PUDP: variants seen among roughly 807,000 people sequenced by gnomAD.
PUDP encodes pseudouridine 5'-phosphatase.
PUDP carries 8 observed loss-of-function variants against 9.4 expected under a neutral mutation model. The ratio of observed to expected loss-of-function variants is 0.85; its 90% CI spans 0.50 to 1.53. The LOEUF (loss-of-function observed/expected upper bound fraction) is 1.53, where lower values mean the gene tolerates loss of function less well. Ranked by LOEUF, PUDP falls within the 40% of genes most tolerant of loss-of-function variation. The pLI, the probability that PUDP is intolerant of heterozygous loss-of-function variation, is 0.00. For synonymous variants in PUDP, 99 were observed against 80.7 expected, an observed-to-expected ratio of 1.23 and a Z score of -1.22; for missense variants, 188 against 189.7, an observed-to-expected ratio of 0.99 and a Z score of 0.05.
intron 3 of PUDP, among the ~76,000 whole-genome samples, chrX:6,948,118 G>C (rs1239572995): frequency 2.7e-5 from 3 of 112,276 alleles, no homozygotes; most frequent in Non-Finnish European, 5.6e-5. Context: ...AGAAGTTTTA[G>C]ATAGAGTGAG....
chrX:6,829,425 T>G (rs1239754438), intron 3 of PUDP, among the ~76,000 whole-genome samples: 1 of 111,889 alleles, frequency 8.9e-6, no homozygotes. Context: ...TATTTATTTT[T>G]AAAAGAGTAT....
chrX:6,706,898 A>G (rs1924477140), intron 1 of PUDP, among the ~76,000 whole-genome samples: 1 of 111,147 alleles, frequency 9.0e-6, no homozygotes, highest in South Asian at 3.9e-4. Context: ...AAAAAGTCCA[A>G]AAACCCTTGT....
intron 2 of PUDP, among the ~76,000 whole-genome samples, chrX:7,081,715 C>T (rs1223630451): frequency 1.8e-5 from 2 of 113,100 alleles, no homozygotes; most frequent in African/African-American, 3.2e-5. Context: ...ACGGGACATC[C>T]GTCAATTATA....
At chrX:7,085,587 G>T (rs1931238885) in intron 2 of PUDP, 1 of 112,389 alleles carries the variant, frequency 8.9e-6, no homozygotes, top group Non-Finnish European at 1.9e-5. Flanking sequence ...TGTAGGTCAG[G>T]TATTTACAAA....
At chrX:7,027,015 G>A (rs777088597) in intron 1 of PUDP, among the ~76,000 whole-genome samples, 20 of 110,735 alleles carry the variant, frequency 1.8e-4, no homozygotes, top group Admixed American at 4.8e-4. Context: ...TAATTATCCC[G>A]CCAATGCTCA....
At chrX:6,927,766 T>C (rs1454310770) in intron 3 of PUDP, among the ~76,000 whole-genome samples, 1 of 111,450 alleles carries the variant, frequency 9.0e-6, no homozygotes, top group African/African-American at 3.3e-5. Context: ...ATATACCATC[T>C]GAGGTTACAG....
At chrX:7,087,687 C>T (rs753884768) in intron 2 of PUDP, among the ~76,000 whole-genome samples, 18 of 112,503 alleles carry the variant, frequency 1.6e-4, no homozygotes, top group South Asian at 1.5e-3. Context: ...ACATTAAATA[C>T]TGACAGAAAT....
At chrX:6,779,540 C>A (rs777539291) in intron 3 of PUDP, among the ~76,000 whole-genome samples, 1 of 111,963 alleles carries the variant, frequency 8.9e-6, no homozygotes, top group African/African-American at 3.2e-5. Flanking sequence ...TTTCAACTGC[C>A]CTTGGACCAG....
chrX:6,771,721 A>T (rs1043795316), intron 3 of PUDP, among the ~76,000 whole-genome samples: 3 of 112,647 alleles, frequency 2.7e-5, no homozygotes, highest in Non-Finnish European at 5.6e-5. Flanking sequence ...GACTTAATAC[A>T]CAGAATTACT....
intron 1 of PUDP, among the ~76,000 whole-genome samples, chrX:7,015,291 C>T (rs1487761355): frequency 2.7e-5 from 3 of 111,842 alleles, no homozygotes; most frequent in Non-Finnish European, 5.6e-5. Context: ...AAAGTATGGA[C>T]AGCCATGTAG....
At chrX:6,899,133 T>G (rs184065151) in intron 3 of PUDP, among the ~76,000 whole-genome samples, 1 of 112,655 alleles carries the variant, frequency 8.9e-6, no homozygotes, top group East Asian at 2.8e-4. Flanking sequence ...TATTTATAAA[T>G]TTCTGTCAAT....
intron 3 of PUDP, among the ~76,000 whole-genome samples, chrX:6,727,840 A>T (rs1300105452): frequency 2.7e-5 from 3 of 111,494 alleles, no homozygotes; most frequent in African/African-American, 9.8e-5. Context: ...GAACAAACAG[A>T]TTCAAGCTAT....
chrX:6,888,772 C>A (rs993699591), intron 3 of PUDP, among the ~76,000 whole-genome samples: 13 of 112,107 alleles, frequency 1.2e-4, no homozygotes, highest in African/African-American at 3.9e-4. Context: ...CAGAGAGACG[C>A]CAGTGACTGA....
intron 2 of PUDP, among the ~76,000 whole-genome samples, chrX:7,103,418 A>G (rs1339273665): frequency 1.8e-5 from 2 of 112,545 alleles, no homozygotes; most frequent in Non-Finnish European, 3.8e-5. Context: ...AATATGGATT[A>G]AAGTCCTGAA....
intron 1 of PUDP, among the ~76,000 whole-genome samples, chrX:6,715,380 C>T (rs1326174453): frequency 5.4e-5 from 6 of 111,118 alleles, no homozygotes; most frequent in African/African-American, 2.0e-4. Flanking sequence ...TGATCTCACC[C>T]CCAAAATGGT....
chrX:6,833,362 T>C (rs927524597), intron 3 of PUDP, among the ~76,000 whole-genome samples: 2 of 110,118 alleles, frequency 1.8e-5, no homozygotes, highest in Non-Finnish European at 1.9e-5. Context: ...GGTGGGTAAA[T>C]AGATGTTTGA....
chrX:7,066,807 G>T (rs1221113158), intron 3 of PUDP, among the ~76,000 whole-genome samples: 1 of 112,115 alleles, frequency 8.9e-6, no homozygotes, highest in Non-Finnish European at 1.9e-5. Flanking sequence ...GCTATTAGAT[G>T]TTTTTTGCTG....
At chrX:6,861,946 G>A (rs1422618318) in intron 3 of PUDP, among the ~76,000 whole-genome samples, 2 of 111,313 alleles carry the variant, frequency 1.8e-5, no homozygotes, top group African/African-American at 6.5e-5. Flanking sequence ...TAGGGACAGA[G>A]TCAGCCCTGA....
intron 3 of PUDP, among the ~76,000 whole-genome samples, chrX:6,877,564 G>A (rs1326191108): frequency 3.6e-5 from 4 of 111,181 alleles, no homozygotes; most frequent in African/African-American, 9.8e-5. Flanking sequence ...AGAGGGGATG[G>A]TGCTGAGAGT....
Sources: allele counts gnomAD v4.1 joint callset (sites outside exome capture counted in the v4.1 genomes callset), GRCh38; gene constraint gnomAD v4.1.1; transcripts MANE v1.5; gene names NCBI Gene and HGNC (gene_info 2026-07-23, HGNC 2026-07-21).